TMPRSS15: variants seen among roughly 807,000 people sequenced by gnomAD.
TMPRSS15 encodes the protein enteropeptidase.
A neutral mutation model predicts 125.3 loss-of-function variants in TMPRSS15; 128 were observed. The observed-to-expected ratio is 1.02, with a 90% CI of 0.89 to 1.18. The LOEUF (loss-of-function observed/expected upper bound fraction) is 1.18, where lower values mean the gene tolerates loss of function less well. Among genes scored for constraint, TMPRSS15 ranks in the 50% most tolerant of loss-of-function variants. The pLI is 0.00. For synonymous variants in TMPRSS15, 446 were observed against 423.2 expected (o/e 1.05, Z -0.66); for missense variants, 1,283 against 1,212.7 (o/e 1.06, Z -0.86).
At chr21:18,290,241 T>C (rs903499228) in intron 21 of TMPRSS15, among the ~76,000 whole-genome samples, 1 of 152,198 alleles carries the variant, frequency 6.6e-6, no homozygotes, top group Non-Finnish European at 1.5e-5. Flanking sequence ...TGTAGGTATA[T>C]AATAGAGCTT....
chr21:18,372,461 G>A, intron 5 of TMPRSS15, 137 bp from the exon 6 acceptor site: 1 of 792,578 alleles, frequency 1.3e-6, no homozygotes, highest in South Asian at 1.7e-5. Flanking sequence ...TATTTCATTT[G>A]CAAATCAATC....
intron 6 of TMPRSS15, among the ~76,000 whole-genome samples, chr21:18,366,299 T>A (rs908669076): frequency 6.6e-6 from 1 of 152,198 alleles, no homozygotes; most frequent in African/African-American, 2.4e-5. Flanking sequence ...ATCCAACAAA[T>A]CTGTTAGTCC....
chr21:18,292,363 C>A (rs913233708), intron 21 of TMPRSS15, among the ~76,000 whole-genome samples: 18 of 152,150 alleles, frequency 1.2e-4, no homozygotes, highest in African/African-American at 4.3e-4. Context: ...CTGCGACTGG[C>A]CTTGAATTCC....
intron 1 of TMPRSS15, among the ~76,000 whole-genome samples, chr21:18,482,134 A>AT (rs572367792): frequency 1.3e-5 from 2 of 150,132 alleles, no homozygotes; most frequent in South Asian, 2.1e-4. Context: ...GTATTGCTTC[A>AT]TTTTTTTCAT....
At chr21:18,436,670 T>C (rs1335321440) in intron 1 of TMPRSS15, among the ~76,000 whole-genome samples, 1 of 150,890 alleles carries the variant, frequency 6.6e-6, no homozygotes, top group African/African-American at 2.4e-5. Context: ...AGCCAAATCA[T>C]GAGTGAACTC....
intron 21 of TMPRSS15, among the ~76,000 whole-genome samples, chr21:18,284,842 A>C (rs2074743714): frequency 6.6e-6 from 1 of 152,134 alleles, no homozygotes; most frequent in African/African-American, 2.4e-5. Context: ...CTCTACTAAA[A>C]ATACAAAAAT....
intron 17 of TMPRSS15, among the ~76,000 whole-genome samples, chr21:18,313,300 G>T (rs1346175022): frequency 6.6e-6 from 1 of 151,472 alleles, no homozygotes; most frequent in African/African-American, 2.4e-5. Flanking sequence ...TTAAGGTGAT[G>T]GATAGGTTGA....
At chr21:18,323,260 T>C (rs1245357997) in intron 16 of TMPRSS15, among the ~76,000 whole-genome samples, 1 of 152,170 alleles carries the variant, frequency 6.6e-6, no homozygotes, top group Admixed American at 6.5e-5. Flanking sequence ...AAGACATACC[T>C]GAGACTAGGT....
chr21:18,412,952 A>T (rs2076169763), intron 1 of TMPRSS15, among the ~76,000 whole-genome samples: 1 of 152,184 alleles, frequency 6.6e-6, no homozygotes, highest in Non-Finnish European at 1.5e-5. Context: ...TAAAAATAAG[A>T]TAAATTTTAA....
At chr21:18,319,391 C>G (rs1165870452) in intron 16 of TMPRSS15, among the ~76,000 whole-genome samples, 2 of 142,358 alleles carry the variant, frequency 1.4e-5, no homozygotes, top group Non-Finnish European at 3.0e-5. Context: ...ACAGTAAAAA[C>G]AGTAACAGTA....
intron 5 of TMPRSS15, 111 bp from the exon 6 acceptor site, chr21:18,372,435 C>T: frequency 1.1e-6 from 1 of 880,272 alleles, no homozygotes; most frequent in Non-Finnish European, 1.8e-6. Context: ...TGTTCTTCAA[C>T]TGCCATAGGA....
In TMPRSS15 at chr21:18,352,999, C is replaced by A; in HGVS notation, c.1075G>T (p.Asp359Tyr). The A allele has an allele frequency of 6.2e-7, 1 of 1,611,656 alleles. No homozygotes were observed. Among genetic ancestry groups the A allele is most frequent in the Non-Finnish European group, 8.5e-7 (1 of 1,178,854 alleles). Residue 359 changes from aspartate to tyrosine, a missense_variant, in exon 10 of 25, where the codon GAT becomes TAT. Coordinates refer to ENST00000284885, the MANE Select transcript of TMPRSS15 (RefSeq NM_002772.3). ...FEDGFCFWVQ[D>Y]LNDDNEWERI... ...TCCCATTCATTATCATCATTTAGAT[C>A]CTGGACCCAGAAACAAAAGCCATCC...
intron 17 of TMPRSS15, among the ~76,000 whole-genome samples, chr21:18,313,763 A>T (rs1470616046): frequency 6.6e-6 from 1 of 152,028 alleles, no homozygotes; most frequent in Non-Finnish European, 1.5e-5. Flanking sequence ...CAAGTTTATT[A>T]CAAATCTATA....
chr21:18,334,851 C>T (rs2075376630), intron 13 of TMPRSS15, among the ~76,000 whole-genome samples: 1 of 152,088 alleles, frequency 6.6e-6, no homozygotes, highest in Non-Finnish European at 1.5e-5. Flanking sequence ...AATTGAGTCT[C>T]TATAATTGGC....
chr21:18,359,425 A>C (rs1467600272), intron 8 of TMPRSS15, among the ~76,000 whole-genome samples: 1 of 152,014 alleles, frequency 6.6e-6, no homozygotes, highest in African/African-American at 2.4e-5. Flanking sequence ...CAGAATAGTA[A>C]TTTTCAGGGA....
At chr21:18,456,308 G>A (rs561574114) in intron 1 of TMPRSS15, among the ~76,000 whole-genome samples, 4 of 152,134 alleles carry the variant, frequency 2.6e-5, no homozygotes, top group East Asian at 3.9e-4. Context: ...TAATGTCAGC[G>A]TTTCACTGAA....
chr21:18,467,235 C>T (rs547930141), intron 1 of TMPRSS15, among the ~76,000 whole-genome samples: 1 of 152,050 alleles, frequency 6.6e-6, no homozygotes, highest in Admixed American at 6.6e-5. Flanking sequence ...TGGAGGGGAA[C>T]ATCACACGCC....
At chr21:18,352,141 G>A (rs939837474) in intron 10 of TMPRSS15, among the ~76,000 whole-genome samples, 1 of 151,560 alleles carries the variant, frequency 6.6e-6, no homozygotes, top group Non-Finnish European at 1.5e-5. Context: ...GATTATATTT[G>A]GTATTATGAA....
rs188486596 is a variant in TMPRSS15 at position 18,290,102 on chromosome 21, A to G, written c.2486+4168T>C. On this transcript the variant is annotated intron_variant, in intron 21 of 24. Coordinates refer to ENST00000284885, the MANE Select transcript of TMPRSS15 (RefSeq NM_002772.3). ...CTTTCCAGACTTCAGCAAATACATC[A>G]ATAGCTTGTGGATAATAGGAACAAT... Among the ~76,000 whole-genome samples the G allele has an allele frequency of 3.8e-3, 573 of 152,328 alleles. 5 individuals are homozygous for G. The highest frequency in any genetic ancestry group is 0.011 in the African/African-American group (475 of 41,568).
Sources: allele counts gnomAD v4.1 joint callset (sites outside exome capture counted in the v4.1 genomes callset), GRCh38; gene constraint gnomAD v4.1.1; transcripts MANE v1.5; gene names NCBI Gene and HGNC (gene_info 2026-07-23, HGNC 2026-07-21).